SYN3: variants seen among roughly 807,000 people sequenced by gnomAD.
SYN3 encodes synapsin-3.
In SYN3, 35 loss-of-function variants were observed where a neutral mutation model predicts 65.8. The observed-to-expected ratio is 0.53, with a 90% CI of 0.41 to 0.70. The LOEUF is 0.70. SYN3 is among the 30% of genes least tolerant of loss of function. SYN3 has a pLI of 0.00. For synonymous variants in SYN3, 270 were observed against 292.9 expected, an observed-to-expected ratio of 0.92 and a Z score of 0.80; for missense variants, 680 against 749.0, an observed-to-expected ratio of 0.91 and a Z score of 1.08.
chr22:32,844,959 G>C (rs2048018383), intron 6 of SYN3, among the ~76,000 whole-genome samples: 1 of 152,104 alleles, frequency 6.6e-6, no homozygotes, highest in Admixed American at 6.5e-5. Context: ...GAACTCCTGA[G>C]CTCAAGTGAT....
In SYN3 at chr22:32,722,866, G is replaced by A. The variant is rs758616423; in HGVS notation, c.712-126130C>T. On this transcript the variant is annotated intron_variant, in intron 6 of 13. Coordinates refer to ENST00000358763, the MANE Select transcript of SYN3 (RefSeq NM_003490.4). ...AGCTAATAACCCCAGAACCGAGGGC[G>A]GGAGTAGGAGATGTGAAATATGGGA... Among the ~76,000 whole-genome samples the A allele has an allele frequency of 3.3e-5, 5 of 152,330 alleles. No homozygotes were observed. The East Asian group carries it at 5.8e-4, about 18-fold the overall frequency.
chr22:32,515,737 C>G (rs2057759373), intron 13 of SYN3, among the ~76,000 whole-genome samples: 3 of 151,842 alleles, frequency 2.0e-5, no homozygotes, highest in South Asian at 4.2e-4. Context: ...AATTATAGTA[C>G]AATGGTACAG....
At chr22:32,961,399 T>C (rs1334850480) in intron 3 of SYN3, among the ~76,000 whole-genome samples, 1 of 152,196 alleles carries the variant, frequency 6.6e-6, no homozygotes, top group Non-Finnish European at 1.5e-5. Context: ...GGTACCTCTG[T>C]GGTAAAGTAG....
intron 6 of SYN3, among the ~76,000 whole-genome samples, chr22:32,616,013 G>T (rs1160759365): frequency 6.6e-6 from 1 of 152,222 alleles, no homozygotes; most frequent in Non-Finnish European, 1.5e-5. Flanking sequence ...CTGGCAGACG[G>T]AGCCTTCCTA....
At chr22:32,737,142 A>G (rs936910824) in intron 6 of SYN3, among the ~76,000 whole-genome samples, 4 of 152,232 alleles carry the variant, frequency 2.6e-5, no homozygotes, top group Non-Finnish European at 5.9e-5. Context: ...ACTAATTTTT[A>G]TAGAACAGTC....
chr22:32,993,224 G>A (rs962456430), intron 2 of SYN3, among the ~76,000 whole-genome samples: 8 of 152,012 alleles, frequency 5.3e-5, no homozygotes, highest in Non-Finnish European at 1.2e-4. Flanking sequence ...GACTGTTCCT[G>A]CCACCTAGAT....
chr22:32,709,752 A>C (rs1056146872), intron 6 of SYN3, among the ~76,000 whole-genome samples: 6 of 151,864 alleles, frequency 4.0e-5, no homozygotes, highest in Non-Finnish European at 5.9e-5. Flanking sequence ...TTTTTACATA[A>C]ATGGGATTGT....
intron 4 of SYN3, among the ~76,000 whole-genome samples, chr22:32,918,526 T>G (rs2050248904): frequency 6.6e-6 from 1 of 152,244 alleles, no homozygotes; most frequent in African/African-American, 2.4e-5. Context: ...ATCTCTATAT[T>G]ATTTAATATT....
Position 32,926,601 on chromosome 22 carries a change from G to C in SYN3, c.461+4789C>G, listed in dbSNP as rs73405271. Among the ~76,000 whole-genome samples, 1,201 of 152,200 alleles carry C rather than the reference G, an allele frequency of 7.9e-3. 21 individuals carry two copies. The highest frequency in any genetic ancestry group is 0.028 in the African/African-American group (1,164 of 41,544). ...CTTTCTTTTGCTGCACAGTTGCATG[G>C]TATATTTTTCCCCTTTCTTTAACTT... On this transcript the variant is annotated intron_variant, in intron 4 of 13. Coordinates refer to ENST00000358763, the MANE Select transcript of SYN3 (RefSeq NM_003490.4).
rs778082624 is a variant in SYN3 at position 32,567,320 on chromosome 22, TCCTCCCTCCCTCCCTC to T, written c.775-25623_775-25608del. Among the ~76,000 whole-genome samples the T allele has an allele frequency of 4.1e-4, 50 of 121,626 alleles. 1 individual carries two copies. The highest frequency in any genetic ancestry group is 1.1e-3 in the African/African-American group (35 of 31,742). 79.8% of individuals were successfully genotyped at this position (121,626 alleles called of 152,430 possible). A position where few individuals can be genotyped will look rare whatever the true frequency, so the allele number is the denominator to read the frequency against. ...AGGTGCAATAGAACGATGACGGAGA[TCCTCCCTCCCTCCCTC>T]CCTCCCTCCCTCCCTCCCTTCTTTC... On this transcript the variant is annotated intron_variant, in intron 7 of 13. Transcript: ENST00000358763.
chr22:33,029,866 G>A (rs1014188203), intron 1 of SYN3, among the ~76,000 whole-genome samples: 19 of 152,094 alleles, frequency 1.2e-4, no homozygotes, highest in African/African-American at 3.6e-4. Context: ...AACTTAGCTC[G>A]GTTATACAGA....
intron 5 of SYN3, among the ~76,000 whole-genome samples, chr22:32,866,669 A>G (rs1371440989): frequency 6.6e-6 from 1 of 152,196 alleles, no homozygotes; most frequent in Non-Finnish European, 1.5e-5. Context: ...GATAACTGTG[A>G]TAAAAGGTGG....
At chr22:32,980,289 C>A (rs1332438240) in intron 3 of SYN3, among the ~76,000 whole-genome samples, 1 of 152,138 alleles carries the variant, frequency 6.6e-6, no homozygotes, top group African/African-American at 2.4e-5. Flanking sequence ...TGCTCTCTAG[C>A]CCAGGTGGCT....
chr22:32,802,538 A>T (rs2046618405), intron 6 of SYN3, among the ~76,000 whole-genome samples: 1 of 150,050 alleles, frequency 6.7e-6, no homozygotes, highest in Admixed American at 6.6e-5. Context: ...GTTGCCCGCC[A>T]TGTGCACGGA....
chr22:32,910,586 C>T (rs566785899), intron 4 of SYN3, among the ~76,000 whole-genome samples: 2 of 152,106 alleles, frequency 1.3e-5, no homozygotes, highest in Non-Finnish European at 2.9e-5. Context: ...CTGATTCAGA[C>T]CCCAGCTTCA....
intron 2 of SYN3, among the ~76,000 whole-genome samples, chr22:33,000,807 G>T (rs938912904): frequency 9.9e-5 from 15 of 152,142 alleles, no homozygotes; most frequent in African/African-American, 3.1e-4. Context: ...TGCAGGAGGG[G>T]CTGGGGAGGG....
chr22:32,671,444 C>T (rs1191179772), intron 6 of SYN3, among the ~76,000 whole-genome samples: 1 of 152,004 alleles, frequency 6.6e-6, no homozygotes, highest in African/African-American at 2.4e-5. Flanking sequence ...TAAAAACACA[C>T]CCTCCCTCAC....
chr22:32,836,635 TCCTA>T (rs2047737700), intron 6 of SYN3, among the ~76,000 whole-genome samples: 2 of 152,240 alleles, frequency 1.3e-5, no homozygotes, highest in African/African-American at 4.8e-5. Context: ...TCGTACCTGT[TCCTA>T]CCTGAGTGCC....
chr22:32,517,410 C>T (rs1204833788), intron 13 of SYN3, among the ~76,000 whole-genome samples: 1 of 152,164 alleles, frequency 6.6e-6, no homozygotes, highest in African/African-American at 2.4e-5. Context: ...GTGTGTGAGG[C>T]CTTCTTGGAC....
Sources: gnomAD v4.1 joint callset for allele counts (sites outside exome capture counted in the v4.1 genomes callset) on GRCh38, gnomAD v4.1.1 for gene constraint, MANE v1.5 for transcripts, NCBI Gene and HGNC (gene_info 2026-07-23, HGNC 2026-07-21) for gene names.